Variants in USP8 observed in about 807,000 individuals in gnomAD.
The protein encoded by USP8 is ubiquitin specific peptidase 8.
USP8 carries 27 observed loss-of-function variants against 130.0 expected under a neutral mutation model. The ratio of observed to expected loss-of-function variants is 0.21; its 90% CI spans 0.15 to 0.29. The LOEUF (loss-of-function observed/expected upper bound fraction) is 0.29. Among genes scored for constraint, USP8 ranks in the 10% least tolerant of loss-of-function variants. The pLI is 1.00. For missense variants in USP8, 1,029 were observed against 1,312.2 expected (o/e 0.78, Z 3.33); for synonymous variants, 392 against 444.1 (o/e 0.88, Z 1.48).
chr15:50,497,060 AG>A (rs1451021863), intron 17 of USP8, 28 bp from the exon 18 acceptor site: 4 of 1,578,832 alleles, frequency 2.5e-6, no homozygotes, highest in Non-Finnish European at 3.4e-6. Context: ...CGAATTAACG[AG>A]TATCTGCTAC....
At chr15:50,467,466 CTT>C (rs749269149) in intron 7 of USP8, among the ~76,000 whole-genome samples, 2 of 152,188 alleles carry the variant, frequency 1.3e-5, no homozygotes, top group African/African-American at 2.4e-5. Flanking sequence ...GCTTATCTCT[CTT>C]AACTGAAGGG....
chr15:50,433,595 G>T (rs541794903), intron 1 of USP8, among the ~76,000 whole-genome samples: 1 of 152,084 alleles, frequency 6.6e-6, no homozygotes, highest in East Asian at 1.9e-4. Flanking sequence ...GTCAGAGAAA[G>T]AACATTTTCT....
chr15:50,453,573 C>A (rs1334363494), intron 4 of USP8, among the ~76,000 whole-genome samples: 1 of 152,106 alleles, frequency 6.6e-6, no homozygotes, highest in African/African-American at 2.4e-5. Context: ...TGTGCACTTG[C>A]AAAGAAAATG....
At chr15:50,466,894 G>A (rs1468043411) in intron 7 of USP8, 1 of 413,966 alleles carries the variant, frequency 2.4e-6, no homozygotes, top group Non-Finnish European at 4.8e-6. Flanking sequence ...AAAGTGAAAG[G>A]ACCAGTTCAA....
chr15:50,485,751 G>C (rs114823129), intron 12 of USP8, among the ~76,000 whole-genome samples: 2,150 of 151,422 alleles, frequency 0.014, 45 homozygotes, highest in African/African-American at 0.05. Context: ...GTCTTCCCTT[G>C]GTATCTGTAG....
At chr15:50,494,485 T>C (rs573105981) in intron 16 of USP8, among the ~76,000 whole-genome samples, 9 of 152,344 alleles carry the variant, frequency 5.9e-5, no homozygotes, top group Admixed American at 3.9e-4. Context: ...ACAAGCAGTA[T>C]TGCTGAGAAA....
chr15:50,456,341 G>T (rs149503531), intron 4 of USP8, among the ~76,000 whole-genome samples: 1 of 152,016 alleles, frequency 6.6e-6, no homozygotes, highest in African/African-American at 2.4e-5. Flanking sequence ...GGAGGCCGAG[G>T]CAGGTGGATC....
intron 10 of USP8, among the ~76,000 whole-genome samples, chr15:50,479,413 A>T (rs2051685852): frequency 6.6e-6 from 1 of 152,194 alleles, no homozygotes. Flanking sequence ...GATAGTAGAT[A>T]AGATTAGAAG....
At chr15:50,488,737 G>T (rs983174970) in intron 12 of USP8, among the ~76,000 whole-genome samples, 8 of 150,156 alleles carry the variant, frequency 5.3e-5, no homozygotes, top group Non-Finnish European at 5.9e-5. Flanking sequence ...GCTAATTTTT[G>T]GATTTTTTTT....
chr15:50,449,735 C>G (rs1381031094), intron 4 of USP8, among the ~76,000 whole-genome samples: 1 of 151,488 alleles, frequency 6.6e-6, no homozygotes, highest in Non-Finnish European at 1.5e-5. Context: ...GCACCCACCA[C>G]CACGCCCGGC....
In USP8 at chr15:50,499,123, AG is replaced by A; in HGVS notation, c.*37del. ...GGTTATAAACTAGTTATCTTTTAAAAGGCTCAGCAACACAACTCTTGAAATG... is the reference window on the plus strand; with the variant it reads ...GGTTATAAACTAGTTATCTTTTAAAAGCTCAGCAACACAACTCTTGAAATG... On this transcript the variant is annotated 3_prime_UTR_variant, in exon 20 of 20. Transcript: ENST00000307179. 6.5e-7 allele frequency: 1 copy of A among 1,536,230 alleles called. No individual in the cohort carries two copies. The highest frequency in any genetic ancestry group is 8.8e-7 in the Non-Finnish European group (1 of 1,142,792).
At chr15:50,450,026 T>C (rs1201966171) in intron 4 of USP8, among the ~76,000 whole-genome samples, 1 of 151,030 alleles carries the variant, frequency 6.6e-6, no homozygotes, top group African/African-American at 2.4e-5. Context: ...CCCGAGTAGC[T>C]GGGACTACAG....
intron 8 of USP8, among the ~76,000 whole-genome samples, chr15:50,476,298 G>A (rs773211501): frequency 3.9e-5 from 6 of 152,152 alleles, no homozygotes; most frequent in East Asian, 3.9e-4. Context: ...CCGTGTTGGC[G>A]CGTGCTTGTA....
chr15:50,473,827 T>TA, intron 8 of USP8, among the ~76,000 whole-genome samples: 1 of 150,668 alleles, frequency 6.6e-6, no homozygotes, highest in South Asian at 2.1e-4. Context: ...TATATTTTTT[T>TA]AATTTAATTT....
At position 50,511,704 on chromosome 15, in the gene USP8, T is replaced by C. The variant is rs969973964; in HGVS notation, c.*12616T>C. On this transcript the variant is annotated 3_prime_UTR_variant, in exon 20 of 20. Coordinates refer to ENST00000307179, the MANE Select transcript of USP8 (RefSeq NM_005154.5). The stretch of plus-strand genomic sequence containing the variant: ...TATTCTATGATTCTGTTTATTAAAA[T>C]ACCCAGAATAGGCCAGGCACTGTGG... The C allele has an allele frequency of 6.6e-6, 1 of 152,234 alleles. No homozygotes were observed. The highest frequency in any genetic ancestry group is 6.5e-5 in the Admixed American group (1 of 15,282). 9.4% of individuals were successfully genotyped at this position (152,234 alleles called of 1,614,324 possible).
chr15:50,498,119 T>C (rs915698139), intron 18 of USP8, among the ~76,000 whole-genome samples: 8 of 152,196 alleles, frequency 5.3e-5, no homozygotes, highest in African/African-American at 1.9e-4. Context: ...AACCAAGATA[T>C]CATTGTTTTG....
At chr15:50,489,753 G>A in intron 12 of USP8, 48 bp from the exon 13 acceptor site, 1 of 1,275,152 alleles carries the variant, frequency 7.8e-7, no homozygotes, top group Non-Finnish European at 1.0e-6. Flanking sequence ...TGAAAAATCA[G>A]ATTTAAAAAA....
At position 50,500,718 on chromosome 15, in the gene USP8, T is replaced by G. The variant is rs2052568231; in HGVS notation, c.*1630T>G. 5 of 1,523,902 alleles carry G rather than the reference T, an allele frequency of 3.3e-6. No individual in the cohort carries two copies. In the South Asian group the frequency reaches 6.0e-5, roughly 18 times the overall value. The allele number at this position is 1,523,902 out of a possible 1,614,324, so 94.4% of individuals were successfully genotyped here. On this transcript the variant is annotated 3_prime_UTR_variant, in exon 20 of 20. Coordinates refer to ENST00000307179, the MANE Select transcript of USP8 (RefSeq NM_005154.5). ...TATAGAACAGGAGATCCATAGCATT[T>G]TGAACAGAAGTATCTGGAATCTCAC...
intron 1 of USP8, among the ~76,000 whole-genome samples, chr15:50,429,786 G>C (rs2049871131): frequency 6.6e-6 from 1 of 152,096 alleles, no homozygotes; most frequent in South Asian, 2.1e-4. Flanking sequence ...AAGTTCTCTA[G>C]GTAACTGATT....
Sources: allele counts gnomAD v4.1 joint callset (sites outside exome capture counted in the v4.1 genomes callset), GRCh38; gene constraint gnomAD v4.1.1; transcripts MANE v1.5; gene names NCBI Gene and HGNC (gene_info 2026-07-23, HGNC 2026-07-21).